AKIRIN2: variants seen among roughly 807,000 people sequenced by gnomAD.
AKIRIN2 encodes the protein akirin 2, also known as akirin-2.
AKIRIN2 carries 6 observed loss-of-function variants against 29.3 expected under a neutral mutation model. The observed-to-expected ratio is 0.20, with a 90% CI of 0.11 to 0.40. AKIRIN2 has a LOEUF of 0.40. Ranked by LOEUF, AKIRIN2 falls within the 10% of genes least tolerant of loss-of-function variation. AKIRIN2 has a pLI of 1.00. For synonymous variants in AKIRIN2, 128 were observed against 117.5 expected (o/e 1.09, Z -0.58); for missense variants, 210 against 276.1 (o/e 0.76, Z 1.70).
chr6:87,683,988 A>G (rs1352613581), intron 1 of AKIRIN2, among the ~76,000 whole-genome samples: 1 of 152,166 alleles, frequency 6.6e-6, no homozygotes, highest in African/African-American at 2.4e-5. Flanking sequence ...CTTCACTCAT[A>G]TTCATCACTT....
intron 1 of AKIRIN2, among the ~76,000 whole-genome samples, chr6:87,695,243 A>C (rs1332807378): frequency 6.6e-6 from 1 of 152,226 alleles, no homozygotes. Flanking sequence ...TCCTCAGAAA[A>C]GTATTATTCA....
intron 4 of AKIRIN2, 64 bp from the exon 5 acceptor site, chr6:87,675,671 C>G: frequency 1.3e-6 from 2 of 1,594,730 alleles, no homozygotes; most frequent in South Asian, 2.2e-5. Context: ...AATACTAGAT[C>G]TTGATTCCCA....
At position 87,675,915 on chromosome 6, in the gene AKIRIN2, A is replaced by G. The variant is rs144580693; in HGVS notation, c.546T>C (p.Phe182=). ...TTATTTGATCATGCGTAAACTTCAC[A>G]AACGCATCATATTGTTCTATAAATA... is the stretch of plus-strand genomic sequence containing the variant. ...NTKLAEQYDA[F]VKFTHDQIMR... The change falls in exon 4 of 5, where the codon TTT becomes TTC. Residue 182 remains phenylalanine, a synonymous_variant. Transcript: ENST00000257787. The G allele has an allele frequency of 9.8e-4, 1,577 of 1,613,362 alleles. No individual in the cohort carries two copies. The highest frequency in any genetic ancestry group is 1.2e-3 in the Non-Finnish European group (1,429 of 1,179,714).
At position 87,701,793 on chromosome 6, in the gene AKIRIN2, C is replaced by A. The variant is rs1458131634; in HGVS notation, c.-109G>T. On this transcript the variant is annotated 5_prime_UTR_variant, in exon 1 of 5. Coordinates refer to ENST00000257787, the MANE Select transcript of AKIRIN2 (RefSeq NM_018064.4). ...GGGAACTCGAGGAGAGCCTACCCGA[C>A]GGGCTCAGGAGCCAAGCGGGTCGCG... 2 of 788,100 alleles carry A rather than the reference C, an allele frequency of 2.5e-6. No individual in the cohort carries two copies. Among genetic ancestry groups the A allele is most frequent in the Non-Finnish European group, 3.6e-6 (2 of 554,056 alleles). The allele number at this position is 788,100 out of a possible 1,614,324, so 48.8% of individuals were successfully genotyped here.
intron 3 of AKIRIN2, among the ~76,000 whole-genome samples, chr6:87,676,938 A>C (rs189031129): frequency 1.3e-5 from 2 of 151,834 alleles, no homozygotes; most frequent in Admixed American, 6.6e-5. Flanking sequence ...TTAGCCGGGC[A>C]TGGTGGTAGG....
In AKIRIN2 at chr6:87,675,863, T is replaced by C; in HGVS notation, c.598A>G (p.Ser200Gly). The C allele has an allele frequency of 6.2e-7, 1 of 1,613,022 alleles. No individual in the cohort carries two copies. The highest frequency in any genetic ancestry group is 8.5e-7 in the Non-Finnish European group (1 of 1,179,290). Residue 200 changes from serine to glycine, a missense_variant, in exon 4 of 5, where the codon AGC becomes GGC. Physicochemically the swap from Ser to Gly is moderately conservative, Grantham distance 56. Transcript: ENST00000257787. ...ACTTCAAAGGTGAAATACTTACAGCTAGCAGGCTGTTCTCCATATCGTCGC... is the reference window on the plus strand; with the variant it reads ...ACTTCAAAGGTGAAATACTTACAGCCAGCAGGCTGTTCTCCATATCGTCGC... ...IMRRYGEQPA[S>G]YVS
intron 1 of AKIRIN2, among the ~76,000 whole-genome samples, chr6:87,689,021 C>T (rs1771235578): frequency 6.6e-6 from 1 of 152,158 alleles, no homozygotes; most frequent in African/African-American, 2.4e-5. Context: ...CTAGTTGTTC[C>T]TCCTCCTGCA....
At chr6:87,699,702 T>C (rs944816701) in intron 1 of AKIRIN2, among the ~76,000 whole-genome samples, 5 of 152,226 alleles carry the variant, frequency 3.3e-5, no homozygotes, top group Non-Finnish European at 5.9e-5. Context: ...ACGCTACAGA[T>C]ATGCCAATGA....
chr6:87,697,518 G>C (rs553804887), intron 1 of AKIRIN2, among the ~76,000 whole-genome samples: 17 of 152,268 alleles, frequency 1.1e-4, no homozygotes, highest in African/African-American at 3.9e-4. Context: ...GAAACTAGGA[G>C]CAACTTAACA....
At chr6:87,695,456 T>C (rs750832563) in intron 1 of AKIRIN2, among the ~76,000 whole-genome samples, 3 of 152,186 alleles carry the variant, frequency 2.0e-5, no homozygotes, top group South Asian at 2.1e-4. Context: ...AGATGCCTGA[T>C]AGTTTTGTAT....
chr6:87,676,596 AACACACACACAC>A lies in AKIRIN2; in HGVS notation c.530-677_530-666del, dbSNP rs112353955. The stretch of plus-strand genomic sequence containing the variant: ...ATGGTGAAACCCCGTCTCTACTAAA[AACACACACACAC>A]ACACACACACACACACACAAACATA... On this transcript the variant is annotated intron_variant, in intron 3 of 4. Coordinates refer to ENST00000257787, the MANE Select transcript of AKIRIN2 (RefSeq NM_018064.4). 1.9e-3 allele frequency among the ~76,000 whole-genome samples: 264 copies of A among 142,108 alleles called. 2 individuals are homozygous for A. The highest frequency in any genetic ancestry group is 6.4e-3 in the African/African-American group (236 of 37,052). 93.2% of individuals were successfully genotyped at this position (142,108 alleles called of 152,430 possible).
intron 1 of AKIRIN2, among the ~76,000 whole-genome samples, chr6:87,695,510 C>T (rs1771346333): frequency 6.6e-6 from 1 of 152,150 alleles, no homozygotes; most frequent in Non-Finnish European, 1.5e-5. Flanking sequence ...TAAAAGCAGG[C>T]GGTGCTCTCA....
At chr6:87,689,776 G>T (rs1012203972) in intron 1 of AKIRIN2, among the ~76,000 whole-genome samples, 2 of 152,168 alleles carry the variant, frequency 1.3e-5, no homozygotes, top group Non-Finnish European at 2.9e-5. Flanking sequence ...GACTCTGAAG[G>T]GTGGAGCTTA....
intron 1 of AKIRIN2, among the ~76,000 whole-genome samples, chr6:87,697,728 C>G (rs1771394454): frequency 6.6e-6 from 1 of 152,198 alleles, no homozygotes; most frequent in African/African-American, 2.4e-5. Context: ...TAAACCCTTC[C>G]CCATTCACAA....
chr6:87,699,727 A>G (rs1332704105), intron 1 of AKIRIN2, among the ~76,000 whole-genome samples: 4 of 152,204 alleles, frequency 2.6e-5, no homozygotes, highest in Non-Finnish European at 1.5e-5. Flanking sequence ...TCGTTTACAA[A>G]GGATCACAAT....
chr6:87,678,212 C>CT (rs1288965773), intron 2 of AKIRIN2, among the ~76,000 whole-genome samples: 1 of 152,148 alleles, frequency 6.6e-6, no homozygotes, highest in African/African-American at 2.4e-5. Flanking sequence ...GTAGAAAAAA[C>CT]TTTAAGACAT....
chr6:87,679,706 C>T (rs1410281359), intron 2 of AKIRIN2, among the ~76,000 whole-genome samples: 1 of 152,178 alleles, frequency 6.6e-6, no homozygotes. Context: ...CTAAGAATCC[C>T]AAAGCAGCTG....
intron 1 of AKIRIN2, among the ~76,000 whole-genome samples, chr6:87,694,361 AAT>A (rs1771326423): frequency 6.6e-6 from 1 of 152,218 alleles, no homozygotes; most frequent in Non-Finnish European, 1.5e-5. Flanking sequence ...GAAAAATATT[AAT>A]AAGAAATGAA....
intron 1 of AKIRIN2, among the ~76,000 whole-genome samples, chr6:87,697,365 C>T (rs1277409310): frequency 6.6e-6 from 1 of 150,510 alleles, no homozygotes; most frequent in Non-Finnish European, 1.5e-5. Flanking sequence ...TTTTTAATGG[C>T]CATAAACTTA....
Sources: allele counts gnomAD v4.1 joint callset (sites outside exome capture counted in the v4.1 genomes callset), GRCh38; gene constraint gnomAD v4.1.1; transcripts MANE v1.5; gene names NCBI Gene and HGNC (gene_info 2026-07-23, HGNC 2026-07-21).